Variants in XPO7 observed in about 807,000 individuals in gnomAD.
The protein encoded by XPO7 is exportin 7.
Under a neutral mutation model 144.3 loss-of-function variants are expected in XPO7, and 21 were observed. The observed-to-expected ratio is 0.15, with a 90% CI of 0.10 to 0.21. The LOEUF (loss-of-function observed/expected upper bound fraction) is 0.21. XPO7 is among the 10% of genes least tolerant of loss of function. The pLI, the probability that XPO7 is intolerant of heterozygous loss-of-function variation, is 1.00. For synonymous variants in XPO7, 580 were observed against 499.6 expected (o/e 1.16, Z -2.15); for missense variants, 808 against 1,325.8 (o/e 0.61, Z 6.06).
intron 1 of XPO7, among the ~76,000 whole-genome samples, chr8:21,926,833 G>A (rs376133230): frequency 1.3e-5 from 2 of 152,026 alleles, no homozygotes; most frequent in Non-Finnish European, 1.5e-5. Flanking sequence ...TGTAATGTTC[G>A]TGTTAGTAGG....
chr8:21,982,132 A>C (rs1391413505), intron 10 of XPO7, among the ~76,000 whole-genome samples: 2 of 152,190 alleles, frequency 1.3e-5, no homozygotes, highest in African/African-American at 4.8e-5. Flanking sequence ...TAGTCACCCC[A>C]AAAAAGCCAA....
At chr8:21,971,264 C>T (rs1251135675) in intron 4 of XPO7, among the ~76,000 whole-genome samples, 1 of 152,184 alleles carries the variant, frequency 6.6e-6, no homozygotes, top group Non-Finnish European at 1.5e-5. Flanking sequence ...TCTAATAACA[C>T]ATTTCGTAGA....
At chr8:21,947,747 C>A (rs1277040329) in intron 1 of XPO7, among the ~76,000 whole-genome samples, 3 of 152,054 alleles carry the variant, frequency 2.0e-5, no homozygotes, top group African/African-American at 7.2e-5. Context: ...GTATATTCAT[C>A]AAAAGATGAG....
chr8:21,924,112 A>G (rs1171330170), intron 1 of XPO7, among the ~76,000 whole-genome samples: 1 of 152,164 alleles, frequency 6.6e-6, no homozygotes, highest in Admixed American at 6.6e-5. Context: ...TTAGGTTTAC[A>G]CACAGCGGGC....
chr8:22,003,240 A>G lies in XPO7; in HGVS notation c.2965A>G (p.Ile989Val). ...TCAGATGCTGTCCACGGTGCTGAAC[A>G]TCATCATCTTTGAAGACTGTAGGAA... ...IQQMLSTVLN[I>V]IIFEDCRNQW... Residue 989 changes from isoleucine to valine, a missense_variant, in exon 26 of 28, where the codon ATC (isoleucine) becomes GTC (valine). By Grantham distance (29) the Ile-to-Val change is conservative. This residue lies in a region of XPO7 where 140 missense variants were observed against 237.9 expected (regional missense o/e 0.59). Coordinates refer to ENST00000252512, the MANE Select transcript of XPO7 (RefSeq NM_015024.5). 6.2e-7 allele frequency: 1 copy of G among 1,613,028 alleles called. No homozygotes were observed. Among genetic ancestry groups the G allele is most frequent in the Non-Finnish European group, 8.5e-7 (1 of 1,179,558 alleles).
At chr8:21,937,187 T>C (rs989927470) in intron 1 of XPO7, among the ~76,000 whole-genome samples, 2 of 152,232 alleles carry the variant, frequency 1.3e-5, no homozygotes, top group African/African-American at 2.4e-5. Flanking sequence ...TAATCAATGG[T>C]AGATATGACC....
intron 1 of XPO7, among the ~76,000 whole-genome samples, chr8:21,924,445 C>T (rs569007621): frequency 6.6e-6 from 1 of 150,840 alleles, no homozygotes; most frequent in Admixed American, 6.6e-5. Context: ...CTGTAGCCCC[C>T]CTCCCCCCCC....
In XPO7 at chr8:21,990,808, T is replaced by C. The variant is rs1212302012; in HGVS notation, c.1933-3T>C. 21 of 1,613,714 alleles carry C rather than the reference T, an allele frequency of 1.3e-5. No homozygotes were observed. Among genetic ancestry groups the C allele is most frequent in the Non-Finnish European group, 1.7e-5 (20 of 1,179,812 alleles). ...CTTTAACTTCTTTTCTTTTTTTCAA[T>C]AGAGCGAGCACTTTTCATTTTTGGG... On this transcript the variant is annotated splice_polypyrimidine_tract_variant and splice_region_variant and intron_variant, in intron 17 of 27. Transcript: ENST00000252512.
At chr8:21,989,912 C>G (rs780322675) in intron 16 of XPO7, among the ~76,000 whole-genome samples, 3 of 127,830 alleles carry the variant, frequency 2.3e-5, no homozygotes, top group South Asian at 5.4e-4. Context: ...TGCAGTTGCG[C>G]GATCTCGGCT....
chr8:21,920,360 G>A (rs1267369855), intron 1 of XPO7, among the ~76,000 whole-genome samples: 2 of 151,340 alleles, frequency 1.3e-5, no homozygotes, highest in Non-Finnish European at 2.9e-5. Context: ...ACTCCAAATC[G>A]TACAGCCCGG....
At chr8:21,976,306 T>G in intron 6 of XPO7, 50 bp from the exon 7 acceptor site, 1 of 1,588,736 alleles carries the variant, frequency 6.3e-7, no homozygotes, top group Non-Finnish European at 8.6e-7. Flanking sequence ...GGGAGCAAGC[T>G]GGGAAGAGAG....
intron 1 of XPO7, among the ~76,000 whole-genome samples, chr8:21,952,891 G>A (rs1303014920): frequency 1.3e-5 from 2 of 152,174 alleles, no homozygotes; most frequent in African/African-American, 4.8e-5. Context: ...GCGGAAGGAA[G>A]AATAGGACTT....
intron 9 of XPO7, 50 bp downstream of exon 9, chr8:21,980,253 C>A: frequency 6.5e-7 from 1 of 1,526,958 alleles, no homozygotes. Context: ...GTATGGCCAG[C>A]TGTTATGAGT....
intron 1 of XPO7, among the ~76,000 whole-genome samples, chr8:21,962,283 A>G (rs1414500879): frequency 2.0e-5 from 3 of 152,350 alleles, no homozygotes; most frequent in South Asian, 2.1e-4. Flanking sequence ...CTTTCATATA[A>G]ATTTATAAAC....
intron 9 of XPO7, among the ~76,000 whole-genome samples, chr8:21,980,523 A>G (rs1024708013): frequency 2.0e-5 from 3 of 152,142 alleles, no homozygotes; most frequent in African/African-American, 7.2e-5. Flanking sequence ...TGTAATCCCA[A>G]CAGTTTGGGA....
chr8:22,003,380 C>G, intron 26 of XPO7, 63 bp downstream of exon 26: 1 of 1,327,010 alleles, frequency 7.5e-7, no homozygotes, highest in Non-Finnish European at 1.1e-6. Context: ...TTGGTATCAC[C>G]AAGCCCTGGG....
rs764706474 is a variant in XPO7 at position 21,985,626 on chromosome 8, C to T, written c.1512C>T (p.Ile504=). 3.1e-5 allele frequency: 50 copies of T among 1,613,790 alleles called. No individual in the cohort carries two copies. The East Asian group carries it at 9.4e-4, about 30-fold the overall frequency. ...TGGTTTACATTATTGGAGCAGTGAT[C>T]GGTGGCCGGGTTTCTTTTGCCAGCA... The part of the protein sequence containing the change: ...TWLVYIIGAV[I]GGRVSFASTD... The change falls in exon 13 of 28, where the codon ATC becomes ATT. Residue 504 remains isoleucine (I), a synonymous_variant. Transcript: ENST00000252512.
intron 24 of XPO7, among the ~76,000 whole-genome samples, chr8:22,001,018 G>C (rs1303484647): frequency 4.6e-5 from 7 of 152,096 alleles, no homozygotes; most frequent in African/African-American, 1.7e-4. Flanking sequence ...ACTTTTTTAT[G>C]TCTTATTGAA....
rs562169904 is a variant in XPO7 at position 21,973,678 on chromosome 8, TC to T, written c.493-991del. ...ATGAGTCTCCTCTTGGATGAATTGA[TC>T]AGTAAACAGAAGAGATTTAAGCTTT... is the stretch of plus-strand genomic sequence containing the variant. On this transcript the variant is annotated intron_variant, in intron 5 of 27. Transcript: ENST00000252512. 1.1e-4 allele frequency among the ~76,000 whole-genome samples: 16 copies of T among 152,322 alleles called. No individual in the cohort carries two copies. The East Asian group carries it at 2.9e-3, about 28-fold the overall frequency.
Sources: allele counts gnomAD v4.1 joint callset (sites outside exome capture counted in the v4.1 genomes callset), GRCh38; gene constraint gnomAD v4.1.1; regional missense constraint gnomAD v4.1.1; transcripts MANE v1.5; gene names NCBI Gene and HGNC (gene_info 2026-07-23, HGNC 2026-07-21).